Variants in IGSF9 observed in about 807,000 individuals in gnomAD.
IGSF9 encodes immunoglobulin superfamily member 9.
IGSF9 carries 87 observed loss-of-function variants against 121.7 expected under a neutral mutation model. The observed-to-expected ratio is 0.71, with a 90% CI of 0.60 to 0.85. The LOEUF (loss-of-function observed/expected upper bound fraction) is 0.85. Ranked by LOEUF, IGSF9 falls within the 40% of genes least tolerant of loss-of-function variation. The pLI, the probability that IGSF9 is intolerant of heterozygous loss-of-function variation, is 0.00. For synonymous variants in IGSF9, 640 were observed against 648.4 expected (o/e 0.99, Z 0.20); for missense variants, 1,462 against 1,565.3 (o/e 0.93, Z 1.11).
Position 159,929,655 on chromosome 1 carries a change from C to A in IGSF9, c.2309G>T (p.Arg770Leu), listed in dbSNP as rs1285871338. The change falls in exon 17 of 21, where the codon CGC becomes CTC. Residue 770 changes from arginine to leucine, a missense_variant. Physicochemically the swap from Arg to Leu is moderately radical, Grantham distance 102. This residue lies in a region of IGSF9 where 808 missense variants were observed against 815.2 expected (regional missense o/e 0.99). Coordinates refer to ENST00000368094, the MANE Select transcript of IGSF9 (RefSeq NM_001135050.2). ...LNRRRAARRR[R>L]KRLRQDPPLI... ...GGACTTACCTTGGCGGAGGCGCTTG[C>A]GGCGGCGGCGGGCAGCCCTGCGCCG... The A allele has an allele frequency of 1.9e-6, 3 of 1,590,214 alleles. No individual in the cohort carries two copies. The highest frequency in any genetic ancestry group is 1.3e-5 in the African/African-American group (1 of 74,816).
chr1:159,943,000 G>T lies in IGSF9; in HGVS notation c.210C>A (p.Phe70Leu). 1 of 1,613,560 alleles carries T rather than the reference G, an allele frequency of 6.2e-7. No homozygotes were observed. Among genetic ancestry groups the T allele is most frequent in the Non-Finnish European group, 8.5e-7 (1 of 1,179,764 alleles). Residue 70 changes from phenylalanine (F) to leucine (L), a missense_variant, in exon 3 of 21, where the codon TTC (phenylalanine) becomes TTA (leucine). Coordinates refer to ENST00000368094, the MANE Select transcript of IGSF9 (RefSeq NM_001135050.2). The part of the protein sequence containing the change: ...FGFLLPIFIQ[F>L]GLYSPRIDPD... ...GGTCAATTCGGGGAGAGTAGAGGCC[G>T]AACTGGATGAAGATGGGAAGCAGGA...
At chr1:159,940,204 G>T (rs1011899538) in intron 3 of IGSF9, among the ~76,000 whole-genome samples, 1 of 152,216 alleles carries the variant, frequency 6.6e-6, no homozygotes, top group Admixed American at 6.5e-5. Context: ...CCATGGACAC[G>T]GGTGTTAGGA....
At chr1:159,940,234 C>G (rs1651332465) in intron 3 of IGSF9, among the ~76,000 whole-genome samples, 1 of 152,204 alleles carries the variant, frequency 6.6e-6, no homozygotes, top group Non-Finnish European at 1.5e-5. Flanking sequence ...GTTCAGGGCA[C>G]TGGGGGTAAT....
chr1:159,945,342 T>G (rs568142539), intron 1 of IGSF9, among the ~76,000 whole-genome samples: 83 of 151,774 alleles, frequency 5.5e-4, no homozygotes, highest in African/African-American at 1.9e-3. Context: ...AACTCCTCCT[T>G]TCTCTTAGAA....
At chr1:159,934,029 A>T in intron 9 of IGSF9, 161 bp downstream of exon 9, 1 of 838,646 alleles carries the variant, frequency 1.2e-6, no homozygotes, top group Non-Finnish European at 1.8e-6. Context: ...CAGGGGTTTT[A>T]AGTAGTTTCC....
intron 14 of IGSF9, 94 bp downstream of exon 14, chr1:159,930,598 T>G: frequency 6.4e-7 from 1 of 1,568,402 alleles, no homozygotes; most frequent in South Asian, 1.1e-5. Flanking sequence ...CCAGCACCTC[T>G]GCCCCTTCCC....
Position 159,932,532 on chromosome 1 carries a change from C to A in IGSF9, c.1225G>T (p.Val409Leu). The change falls in exon 10 of 21, where the codon GTG becomes TTG. Residue 409 changes from valine (V) to leucine (L), a missense_variant. By Grantham distance (32) the Val-to-Leu change is conservative (BLOSUM62 1). Transcript: ENST00000368094. This position sits in a 1 kb window ranked among gnomAD's most constrained non-coding sequence, Gnocchi z 4.1. ...NSLGTAGPSPVTRVLLKAPPA... is the reference protein window; with the variant it reads ...NSLGTAGPSPLTRVLLKAPPA... ...CTAACCTTGAGCAGCACGCGGGTCA[C>A]AGGAGAGGGCCCGGCGGTACCAAGA... 6.2e-7 allele frequency: 1 copy of A among 1,614,016 alleles called. No homozygotes were observed.
chr1:159,944,031 GCTT>G (rs2101885512), intron 1 of IGSF9, among the ~76,000 whole-genome samples: 1 of 152,196 alleles, frequency 6.6e-6, no homozygotes, highest in Admixed American at 6.5e-5. Context: ...GGCTGCTCTC[GCTT>G]CTTTCCTTAC....
rs781024907 is a variant in IGSF9, at chr1:159,934,243, G to A, written c.1051C>T (p.Pro351Ser). The change falls in exon 9 of 21, where the codon CCA (proline) becomes TCA (serine). Residue 351 changes from proline (P) to serine (S), a missense_variant. Pro to Ser is a moderately conservative substitution (Grantham distance 74). Coordinates refer to ENST00000368094, the MANE Select transcript of IGSF9 (RefSeq NM_001135050.2). Reference protein sequence around the residue: ...VIRCPVRANPPLLFVSWTKDG... With the variant: ...VIRCPVRANPSLLFVSWTKDG... ...TTGGTCCAGCTGACAAAGAGCAGTG[G>A]GGGGTTGGCACGAACCGGGCAGCGG... The A allele has an allele frequency of 6.2e-7, 1 of 1,613,940 alleles. No homozygotes were observed. Among genetic ancestry groups the A allele is most frequent in the African/African-American group, 1.3e-5 (1 of 74,934 alleles).
In IGSF9 at chr1:159,930,433, G is replaced by C. The variant is rs760667026; in HGVS notation, c.1820C>G (p.Pro607Arg). The change falls in exon 15 of 21, where the codon CCT (proline) becomes CGT (arginine). Residue 607 changes from proline (P) to arginine (R), a missense_variant. Physicochemically the swap from Pro to Arg is moderately radical, Grantham distance 103 (BLOSUM62 -2). This residue lies in a region of IGSF9 where 808 missense variants were observed against 815.2 expected (regional missense o/e 0.99). Transcript: ENST00000368094. The stretch of plus-strand genomic sequence containing the variant: ...AAGCCCGGGTGCAGCTGGCGTGGTA[G>C]GAAGCCCTGCGTGGGACAGAAAGGC... ...EIVLSAPEGLPTTPAAPGLPP... is the reference protein window; with the variant it reads ...EIVLSAPEGLRTTPAAPGLPP... 2.0e-6 allele frequency: 3 copies of C among 1,536,466 alleles called. No individual in the cohort carries two copies. The highest frequency in any genetic ancestry group is 2.5e-5 in the South Asian group (2 of 78,614).
chr1:159,935,325 T>A (rs1571217017), intron 6 of IGSF9, among the ~76,000 whole-genome samples: 1 of 152,118 alleles, frequency 6.6e-6, no homozygotes, highest in South Asian at 2.1e-4. Context: ...AGCACCTGGC[T>A]CCTACTACAC....
rs150993878 is a variant in IGSF9 at position 159,932,985 on chromosome 1, A to G, written c.1105-333T>C. The stretch of plus-strand genomic sequence containing the variant: ...GCTCTCTTCCCAGCACTCCACAACT[A>G]AGTTCAGAGTCTTCCACCCAAAACC... On this transcript the variant is annotated intron_variant, in intron 9 of 20. Coordinates refer to ENST00000368094, the MANE Select transcript of IGSF9 (RefSeq NM_001135050.2). This position sits in a 1 kb window ranked among gnomAD's most constrained non-coding sequence, Gnocchi z 4.1. 7.1e-4 allele frequency: 157 copies of G among 222,578 alleles called. No homozygotes were observed. Among genetic ancestry groups the G allele is most frequent in the Non-Finnish European group, 8.8e-4 (100 of 113,472 alleles). The allele number at this position is 222,578 out of a possible 1,614,324, so 13.8% of individuals were successfully genotyped here.
rs1412667323 is a variant in IGSF9 at position 159,930,198 on chromosome 1, G to A, written c.2055C>T (p.Gly685=). ...AGTETELLVP[G]LIKDVLYEFR... Reference sequence around the variant, plus strand: ...CGCCTTTCGCACATACCTTGATGAGGCCTGGCACCAGCAGCTCTGTTTCTG... The same window carrying A: ...CGCCTTTCGCACATACCTTGATGAGACCTGGCACCAGCAGCTCTGTTTCTG... Residue 685 remains glycine (G), a synonymous_variant, in exon 15 of 21, where the codon GGC becomes GGT. Transcript: ENST00000368094. The A allele has an allele frequency of 6.2e-7, 1 of 1,608,936 alleles. No individual in the cohort carries two copies. The highest frequency in any genetic ancestry group is 1.7e-5 in the Admixed American group (1 of 59,504).
intron 3 of IGSF9, among the ~76,000 whole-genome samples, chr1:159,939,684 T>C (rs1651314039): frequency 6.6e-6 from 1 of 152,144 alleles, no homozygotes. Flanking sequence ...GTTTCAGAAA[T>C]AAGAAAATCT....
Position 159,931,011 on chromosome 1 carries a change from G to C in IGSF9, c.1637+127C>G. ...CTGAATGCCTCAGAATCTGGAAACAGGGAAGCAGAGCCAGGACTGGTGAGG... is the reference window on the plus strand; with the variant it reads ...CTGAATGCCTCAGAATCTGGAAACACGGAAGCAGAGCCAGGACTGGTGAGG... On this transcript the variant is annotated intron_variant, in intron 13 of 20. Transcript: ENST00000368094. The surrounding 1 kb of genome is among the most constrained non-coding windows in gnomAD (Gnocchi z 4.8). 1 of 1,477,892 alleles carries C rather than the reference G, an allele frequency of 6.8e-7. No homozygotes were observed. Among genetic ancestry groups the C allele is most frequent in the Non-Finnish European group, 9.2e-7 (1 of 1,089,132 alleles). 91.5% of individuals were successfully genotyped at this position (1,477,892 alleles called of 1,614,324 possible).
At chr1:159,942,909 AG>A in intron 3 of IGSF9, 53 bp downstream of exon 3, 1 of 1,522,280 alleles carries the variant, frequency 6.6e-7, no homozygotes, top group Non-Finnish European at 9.0e-7. Context: ...GACTCTACCC[AG>A]CCCACCTTTC....
In IGSF9 at chr1:159,932,073, C is replaced by A; in HGVS notation, c.1246-145G>T. 1 of 605,026 alleles carries A rather than the reference C, an allele frequency of 1.7e-6. No individual in the cohort carries two copies. Among genetic ancestry groups the A allele is most frequent in the East Asian group, 2.8e-5 (1 of 35,478 alleles). 37.5% of individuals were successfully genotyped at this position (605,026 alleles called of 1,614,324 possible). A position where few individuals can be genotyped will look rare whatever the true frequency, so the allele number is the denominator to read the frequency against. ...AAACACTCACCAAGCCTGTCTCTAC[C>A]TCATTCTCTCTCCATCTCTCAATTC... On this transcript the variant is annotated intron_variant, in intron 10 of 20. Coordinates refer to ENST00000368094, the MANE Select transcript of IGSF9 (RefSeq NM_001135050.2). The surrounding 1 kb of genome is among the most constrained non-coding windows in gnomAD (Gnocchi z 4.1).
chr1:159,937,009 ACC>A (rs1651215220), intron 4 of IGSF9, 101 bp from the exon 5 acceptor site: 1 of 1,207,852 alleles, frequency 8.3e-7, no homozygotes, highest in African/African-American at 1.5e-5. Flanking sequence ...CCTGCTGCCC[ACC>A]CACCAGCCCT....
Position 159,931,355 on chromosome 1 carries a change from A to G in IGSF9, c.1514-94T>C. 2 of 1,598,262 alleles carry G rather than the reference A, an allele frequency of 1.3e-6. No homozygotes were observed. Among genetic ancestry groups the G allele is most frequent in the Non-Finnish European group, 1.7e-6 (2 of 1,169,882 alleles). On this transcript the variant is annotated intron_variant, in intron 12 of 20. Coordinates refer to ENST00000368094, the MANE Select transcript of IGSF9 (RefSeq NM_001135050.2). The surrounding 1 kb of genome is among the most constrained non-coding windows in gnomAD (Gnocchi z 4.8). ...GGGCCACTGACCTTCACCCATCATC[A>G]TCCCAGGGGTCCCACACCCATGATC...
Sources: allele counts gnomAD v4.1 joint callset (sites outside exome capture counted in the v4.1 genomes callset), GRCh38; gene constraint gnomAD v4.1.1; regional missense constraint gnomAD v4.1.1; non-coding constraint Gnocchi (gnomAD v3.1); transcripts MANE v1.5; gene names NCBI Gene and HGNC (gene_info 2026-07-23, HGNC 2026-07-21).